THRB: variants seen among roughly 807,000 people sequenced by gnomAD.
THRB encodes the protein nuclear receptor subfamily 1 group A member 2.
Under a neutral mutation model 47.8 loss-of-function variants are expected in THRB, and 12 were observed. The observed-to-expected ratio is 0.25, with a 90% CI of 0.16 to 0.41. The LOEUF (loss-of-function observed/expected upper bound fraction) is 0.41, where lower values mean the gene tolerates loss of function less well. Among genes scored for constraint, THRB ranks in the 10% least tolerant of loss-of-function variants. The pLI is 1.00. For synonymous variants in THRB, 218 were observed against 212.2 expected, an observed-to-expected ratio of 1.03 and a Z score of -0.24; for missense variants, 348 against 589.2, an observed-to-expected ratio of 0.59 and a Z score of 4.24.
chr3:24,254,232 A>T (rs112050924), intron 3 of THRB, among the ~76,000 whole-genome samples: 1 of 76,460 alleles, frequency 1.3e-5, no homozygotes, highest in Non-Finnish European at 2.8e-5. Context: ...AAAAAAAAAA[A>T]AAAAAAAAAA....
intron 1 of THRB, among the ~76,000 whole-genome samples, chr3:24,362,454 C>G (rs1002952849): frequency 6.6e-6 from 1 of 152,140 alleles, no homozygotes; most frequent in Non-Finnish European, 1.5e-5. Flanking sequence ...GTTTCTCATA[C>G]CAAGCTGTTT....
At position 24,156,168 on chromosome 3, in the gene THRB, G is replaced by A. The variant is rs141918567; in HGVS notation, c.284-3678C>T. ...GCTATTTAAAAAATATTCTCTGAGC[G>A]ACTTGTCATGTAGAAGGGGAAAGTT... On this transcript the variant is annotated intron_variant, in intron 5 of 10. Coordinates refer to ENST00000646209, the MANE Select transcript of THRB (RefSeq NM_001354712.2). Among the ~76,000 whole-genome samples, 123 of 152,282 alleles carry A rather than the reference G, an allele frequency of 8.1e-4. 2 individuals carry two copies. The highest frequency in any genetic ancestry group is 2.8e-3 in the African/African-American group (116 of 41,550).
At chr3:24,141,769 A>T (rs570724923) in intron 8 of THRB, among the ~76,000 whole-genome samples, 1 of 152,148 alleles carries the variant, frequency 6.6e-6, no homozygotes, top group Non-Finnish European at 1.5e-5. Flanking sequence ...CAAATCTTCT[A>T]CCTTACTTGG....
intron 8 of THRB, among the ~76,000 whole-genome samples, chr3:24,134,143 T>A (rs564228475): frequency 1.1e-4 from 17 of 152,316 alleles, no homozygotes; most frequent in African/African-American, 4.1e-4. Context: ...CATGGCCTTG[T>A]TGCTCAAAGC....
In THRB at chr3:24,485,123, T is replaced by C. The variant is rs868424300; in HGVS notation, c.-261+9529A>G. On this transcript the variant is annotated intron_variant, in intron 1 of 10. Coordinates refer to ENST00000646209, the MANE Select transcript of THRB (RefSeq NM_001354712.2). ...CGACAATGTCAATGCTATTTCAATG[T>C]AATCATATAGAAACACGTTCCTGTC... Among the ~76,000 whole-genome samples, 4 of 152,324 alleles carry C rather than the reference T, an allele frequency of 2.6e-5. No homozygotes were observed. The South Asian group carries it at 8.3e-4, about 32-fold the overall frequency.
At chr3:24,479,125 C>T (rs1350947341) in intron 1 of THRB, among the ~76,000 whole-genome samples, 5 of 151,876 alleles carry the variant, frequency 3.3e-5, no homozygotes, top group Non-Finnish European at 5.9e-5. Context: ...GGTGAAACCC[C>T]GTCTCTATTA....
chr3:24,272,378 A>C lies in THRB; in HGVS notation c.-43+24848T>G, dbSNP rs373070221. On this transcript the variant is annotated intron_variant, in intron 3 of 10. Transcript: ENST00000646209. ...CAACAACAACAACAACAACAAACAAAAACAAACAAACAAACAAAAAAACCA... is the reference window on the plus strand; with the variant it reads ...CAACAACAACAACAACAACAAACAACAACAAACAAACAAACAAAAAAACCA... 8.2e-5 allele frequency among the ~76,000 whole-genome samples: 9 copies of C among 109,936 alleles called. 1 individual carries two copies. In the East Asian group the frequency reaches 2.3e-3, roughly 28 times the overall value. 72.1% of individuals were successfully genotyped at this position (109,936 alleles called of 152,430 possible). A position where few individuals can be genotyped will look rare whatever the true frequency, so the allele number is the denominator to read the frequency against.
chr3:24,471,619 G>T (rs569402965), intron 1 of THRB, among the ~76,000 whole-genome samples: 4 of 152,094 alleles, frequency 2.6e-5, no homozygotes, highest in Non-Finnish European at 4.4e-5. Flanking sequence ...CATTTGGTAA[G>T]CATGTCATCC....
At chr3:24,328,511 A>T (rs973198213) in intron 2 of THRB, among the ~76,000 whole-genome samples, 18 of 152,130 alleles carry the variant, frequency 1.2e-4, no homozygotes, top group African/African-American at 4.1e-4. Context: ...TGTCTTCCCT[A>T]GTTCAGTGAA....
intron 3 of THRB, among the ~76,000 whole-genome samples, chr3:24,242,641 A>G (rs1007681029): frequency 6.6e-6 from 1 of 152,182 alleles, no homozygotes; most frequent in Non-Finnish European, 1.5e-5. Flanking sequence ...TGTCACTATT[A>G]TTCTTAAACA....
chr3:24,126,210 T>C lies in THRB; in HGVS notation c.1144+1289A>G, dbSNP rs569675324. 8.6e-5 allele frequency among the ~76,000 whole-genome samples: 13 copies of C among 151,932 alleles called. 2 individuals are homozygous for C. The South Asian group carries it at 2.5e-3, about 29-fold the overall frequency. On this transcript the variant is annotated intron_variant, in intron 10 of 10. Coordinates refer to ENST00000646209, the MANE Select transcript of THRB (RefSeq NM_001354712.2). ...GAGTTCAAGACCAGACTGGGCAACA[T>C]AGTGAGACCTGTTTCTCTCTACAAA...
At chr3:24,283,878 G>A (rs1287916566) in intron 3 of THRB, among the ~76,000 whole-genome samples, 2 of 149,346 alleles carry the variant, frequency 1.3e-5, no homozygotes, top group Non-Finnish European at 3.0e-5. Flanking sequence ...TACAAGGGAT[G>A]TGAAGGACCT....
chr3:24,333,426 A>G (rs1016276075), intron 2 of THRB, among the ~76,000 whole-genome samples: 1 of 152,224 alleles, frequency 6.6e-6, no homozygotes, highest in Non-Finnish European at 1.5e-5. Flanking sequence ...CATATGATTT[A>G]TATCTTGTTA....
intron 3 of THRB, among the ~76,000 whole-genome samples, chr3:24,261,497 CAAAA>C (rs35109952): frequency 2.3e-5 from 2 of 88,268 alleles, no homozygotes; most frequent in East Asian, 3.3e-4. Flanking sequence ...GATTCTGTCT[CAAAA>C]AAAAAAAAAA....
intron 1 of THRB, among the ~76,000 whole-genome samples, chr3:24,346,920 T>C (rs1156387586): frequency 6.6e-6 from 1 of 151,816 alleles, no homozygotes; most frequent in African/African-American, 2.4e-5. Flanking sequence ...ATGAACACAT[T>C]TGACCTAATT....
chr3:24,230,938 A>G (rs912253859), intron 3 of THRB, among the ~76,000 whole-genome samples: 3 of 152,194 alleles, frequency 2.0e-5, no homozygotes, highest in Non-Finnish European at 4.4e-5. Flanking sequence ...TCTCTCAGCC[A>G]CCTGGAAAAA....
intron 3 of THRB, among the ~76,000 whole-genome samples, chr3:24,269,387 ACGCGCGCGCGCGCG>A (rs140133862): frequency 1.0e-5 from 1 of 98,326 alleles, no homozygotes; most frequent in African/African-American, 3.9e-5. Context: ...CATAGCTCAC[ACGCGCGCGCGCGCG>A]CGCACACACA....
intron 1 of THRB, among the ~76,000 whole-genome samples, chr3:24,405,854 T>C (rs1173484615): frequency 6.6e-6 from 1 of 151,708 alleles, no homozygotes; most frequent in East Asian, 1.9e-4. Flanking sequence ...ATTGATTCTT[T>C]CTGTCAATTA....
chr3:24,263,743 T>A (rs1191401270), intron 3 of THRB, among the ~76,000 whole-genome samples: 2 of 152,080 alleles, frequency 1.3e-5, no homozygotes, highest in Non-Finnish European at 2.9e-5. Context: ...ATTATACTAG[T>A]ACATAGCTTA....
Sources: allele counts gnomAD v4.1 joint callset (sites outside exome capture counted in the v4.1 genomes callset), GRCh38; gene constraint gnomAD v4.1.1; transcripts MANE v1.5; gene names NCBI Gene and HGNC (gene_info 2026-07-23, HGNC 2026-07-21).